ARHGEF3: variants seen among roughly 807,000 people sequenced by gnomAD.
ARHGEF3 encodes Rho guanine nucleotide exchange factor 3.
ARHGEF3 carries 28 observed loss-of-function variants against 63.2 expected under a neutral mutation model. The observed-to-expected ratio is 0.44, with a 90% CI of 0.33 to 0.61. The LOEUF is 0.61. Ranked by LOEUF, ARHGEF3 falls within the 20% of genes least tolerant of loss-of-function variation. The probability of loss-of-function intolerance (pLI) is 0.03; values close to 1 mark genes in which losing one functional copy is unlikely to be tolerated. For synonymous variants in ARHGEF3, 266 were observed against 254.2 expected (o/e 1.05, Z -0.44); for missense variants, 533 against 659.3 (o/e 0.81, Z 2.10).
At chr3:56,828,885 C>G (rs1277645760) in intron 4 of ARHGEF3, among the ~76,000 whole-genome samples, 1 of 152,012 alleles carries the variant, frequency 6.6e-6, no homozygotes, top group African/African-American at 2.4e-5. Flanking sequence ...GTACACACAC[C>G]ACTGTTTCTC....
Position 56,983,937 on chromosome 3 carries a change from G to GAAA in ARHGEF3, c.63-25051_63-25049dup, listed in dbSNP as rs11401240. Among the ~76,000 whole-genome samples the GAAA allele has an allele frequency of 4.1e-3, 461 of 112,466 alleles. 12 individuals are homozygous for GAAA. Among genetic ancestry groups the GAAA allele is most frequent in the African/African-American group, 0.013 (365 of 28,438 alleles). The allele number at this position is 112,466 out of a possible 152,430, so 73.8% of individuals were successfully genotyped here. On this transcript the variant is annotated intron_variant, in intron 2 of 12. Coordinates refer to the ARHGEF3 transcript ENST00000338458. ...GTGACAGAGCGAGACTCCGTCTCGAGAAAAAAAAAAAAAAAAAAGACTGGC... is the reference window on the plus strand; with the variant it reads ...GTGACAGAGCGAGACTCCGTCTCGAGAAAAAAAAAAAAAAAAAAAAAGACTGGC...
At chr3:57,007,804 G>A (rs572885639) in intron 2 of ARHGEF3, among the ~76,000 whole-genome samples, 1 of 152,332 alleles carries the variant, frequency 6.6e-6, no homozygotes, top group East Asian at 1.9e-4. Flanking sequence ...TACGAGCAGA[G>A]TGAGCAAGCA....
intron 1 of ARHGEF3, among the ~76,000 whole-genome samples, chr3:56,799,702 G>C (rs2037545184): frequency 6.6e-6 from 1 of 152,166 alleles, no homozygotes; most frequent in South Asian, 2.1e-4. Flanking sequence ...CTTTTGCGCT[G>C]ATAAGGAAAC....
chr3:56,803,068 A>G (rs1403326213), upstream of ARHGEF3, among the ~76,000 whole-genome samples: 1 of 152,236 alleles, frequency 6.6e-6, no homozygotes, highest in African/African-American at 2.4e-5. Context: ...ATTTTCTATA[A>G]AGACATATTT....
chr3:57,007,091 T>C (rs1299078982), intron 2 of ARHGEF3: 7 of 1,107,122 alleles, frequency 6.3e-6, no homozygotes, highest in Non-Finnish European at 8.2e-6. Context: ...GTGCTCAGCA[T>C]GTGAAACCCA....
At chr3:57,041,520 C>T (rs1560154987) in intron 1 of ARHGEF3, among the ~76,000 whole-genome samples, 1 of 152,182 alleles carries the variant, frequency 6.6e-6, no homozygotes. Context: ...GCTTAACAAA[C>T]ACTTTCACAT....
chr3:56,960,315 G>A (rs1316159249), intron 2 of ARHGEF3, among the ~76,000 whole-genome samples: 1 of 152,170 alleles, frequency 6.6e-6, no homozygotes, highest in East Asian at 1.9e-4. Context: ...GGGATATTAA[G>A]TGCTTTGATT....
intron 4 of ARHGEF3, among the ~76,000 whole-genome samples, chr3:56,859,699 ATTT>A (rs71072200): frequency 7.0e-5 from 10 of 142,134 alleles, no homozygotes; most frequent in Non-Finnish European, 9.2e-5. Context: ...CACCAGGCTA[ATTT>A]TTTTTTTTTT....
chr3:57,011,478 G>A (rs983724348), intron 2 of ARHGEF3, among the ~76,000 whole-genome samples: 1 of 152,160 alleles, frequency 6.6e-6, no homozygotes, highest in Non-Finnish European at 1.5e-5. Context: ...ACAAGGGAGT[G>A]GGGTGAGGTG....
intron 2 of ARHGEF3, among the ~76,000 whole-genome samples, chr3:57,033,430 AAATGT>A (rs1703816611): frequency 6.6e-6 from 1 of 152,174 alleles, no homozygotes; most frequent in Admixed American, 6.5e-5. Context: ...AAAAAAAAAA[AAATGT>A]AGATTCACAT....
At chr3:56,749,800 GCTAAAATTGACTCCTGAACTA>G (rs1184624652) in intron 6 of ARHGEF3, among the ~76,000 whole-genome samples, 1 of 151,994 alleles carries the variant, frequency 6.6e-6, no homozygotes, top group East Asian at 1.9e-4. Flanking sequence ...CAGCCTTGGT[GCTAAAATTGACTCCTGAACTA>G]AAGCTATTTA....
In ARHGEF3 at chr3:56,729,432, C is replaced by T. The variant is rs146324921; in HGVS notation, c.1419G>A (p.Gly473=). The T allele has an allele frequency of 1.2e-6, 2 of 1,614,128 alleles. No homozygotes were observed. Among genetic ancestry groups the T allele is most frequent in the Non-Finnish European group, 1.7e-6 (2 of 1,180,034 alleles). The change falls in exon 10 of 10, where the codon GGG becomes GGA. Residue 473 remains glycine (G), a synonymous_variant. Transcript: ENST00000296315. ...TTGTTTCTCCCTGTAGCTCTCTGCT[C>T]CCGGTGGTGGGATTTAGGAACGATC... ...SEGSFLNPTT[G]SRELQGETKL...
intron 1 of ARHGEF3, among the ~76,000 whole-genome samples, chr3:56,780,674 T>C (rs918296229): frequency 1.2e-4 from 19 of 152,248 alleles, no homozygotes; most frequent in South Asian, 8.3e-4. Context: ...AGCTCTCTAA[T>C]TGACACTTGT....
At chr3:56,994,410 G>A (rs540424585) in intron 2 of ARHGEF3, among the ~76,000 whole-genome samples, 3 of 152,160 alleles carry the variant, frequency 2.0e-5, no homozygotes, top group East Asian at 1.9e-4. Flanking sequence ...TATAACTTAC[G>A]GAGAATTTAA....
At chr3:56,746,936 T>C (rs989991978) in intron 6 of ARHGEF3, among the ~76,000 whole-genome samples, 3 of 152,200 alleles carry the variant, frequency 2.0e-5, no homozygotes, top group Non-Finnish European at 4.4e-5. Flanking sequence ...TTACATGTTA[T>C]TAAAAATCTC....
chr3:56,825,450 T>C (rs1027234265), intron 4 of ARHGEF3, among the ~76,000 whole-genome samples: 3 of 152,246 alleles, frequency 2.0e-5, no homozygotes, highest in African/African-American at 7.2e-5. Flanking sequence ...TCCCTCTCTA[T>C]GTTCTTTTCT....
At chr3:56,993,731 G>A (rs1287325008) in intron 2 of ARHGEF3, among the ~76,000 whole-genome samples, 1 of 150,956 alleles carries the variant, frequency 6.6e-6, no homozygotes, top group South Asian at 2.1e-4. Flanking sequence ...TGTGGAAGGA[G>A]AAATATTCAT....
At chr3:57,067,815 T>TA (rs542326960) in intron 1 of ARHGEF3, among the ~76,000 whole-genome samples, 39,906 of 139,728 alleles carry the variant, frequency 0.29, 5,881 homozygotes, top group East Asian at 0.48. Context: ...CCGTCTCTAC[T>TA]AAAAAAAAAA....
chr3:57,029,685 T>A (rs1183806767), intron 2 of ARHGEF3, among the ~76,000 whole-genome samples: 2 of 152,130 alleles, frequency 1.3e-5, no homozygotes, highest in Non-Finnish European at 2.9e-5. Context: ...CCCCACTTTT[T>A]CCTGCCATAC....
Sources: gnomAD v4.1 joint callset for allele counts (sites outside exome capture counted in the v4.1 genomes callset) on GRCh38, gnomAD v4.1.1 for gene constraint, MANE v1.5 for transcripts, NCBI Gene and HGNC (gene_info 2026-07-23, HGNC 2026-07-21) for gene names.